The following AHCYL1 variants were observed in gnomAD, a reference collection of about 807,000 sequenced individuals.
The protein encoded by AHCYL1 is S-adenosylhomocysteine hydrolase-like protein 1.
AHCYL1 carries 20 observed loss-of-function variants against 79.3 expected under a neutral mutation model. The ratio of observed to expected loss-of-function variants is 0.25; its 90% CI spans 0.18 to 0.37. The LOEUF (loss-of-function observed/expected upper bound fraction) is 0.37, where lower values mean the gene tolerates loss of function less well. Ranked by LOEUF, AHCYL1 falls within the 10% of genes least tolerant of loss-of-function variation. AHCYL1 has a pLI of 1.00. For synonymous variants in AHCYL1, 223 were observed against 242.2 expected (o/e 0.92, Z 0.74); for missense variants, 330 against 673.6 (o/e 0.49, Z 5.65).
Position 109,995,842 on chromosome 1 carries a change from A to G in AHCYL1, c.120+10670A>G, listed in dbSNP as rs541418102. ...TGGCATTTTGAAACAGCTTCACCAGATAAACTTGAAATCTCCCAGATTTAG... is the reference window on the plus strand; with the variant it reads ...TGGCATTTTGAAACAGCTTCACCAGGTAAACTTGAAATCTCCCAGATTTAG... On this transcript the variant is annotated intron_variant, in intron 1 of 16. Coordinates refer to ENST00000369799, the MANE Select transcript of AHCYL1 (RefSeq NM_006621.7). 7 of 246,718 alleles carry G rather than the reference A, an allele frequency of 2.8e-5. No homozygotes were observed. The South Asian group carries it at 1.1e-3, about 37-fold the overall frequency. 15.3% of individuals were successfully genotyped at this position (246,718 alleles called of 1,614,324 possible).
At chr1:110,004,108 A>G in intron 1 of AHCYL1, 1 of 985,454 alleles carries the variant, frequency 1.0e-6, no homozygotes, top group Non-Finnish European at 1.2e-6. Context: ...GATCTAGTTG[A>G]GTCCTACTTT....
chr1:110,012,809 G>A (rs1393126091), intron 4 of AHCYL1, 88 bp from the exon 5 acceptor site: 2 of 964,296 alleles, frequency 2.1e-6, no homozygotes, highest in Non-Finnish European at 3.0e-6. Context: ...GTGCAGAGTT[G>A]ATAGGTATTG....
intron 1 of AHCYL1, among the ~76,000 whole-genome samples, chr1:109,993,202 T>G (rs1185107601): frequency 6.6e-6 from 1 of 152,224 alleles, no homozygotes; most frequent in East Asian, 1.9e-4. Context: ...CAGAGCTGAT[T>G]CCGTAGGAGT....
At chr1:109,998,340 G>T (rs955180481) in intron 1 of AHCYL1, among the ~76,000 whole-genome samples, 6 of 151,986 alleles carry the variant, frequency 3.9e-5, no homozygotes, top group Admixed American at 1.3e-4. Context: ...TTATTCTTGG[G>T]CCAGGTGTGG....
At chr1:110,010,680 A>G (rs954559451) in intron 2 of AHCYL1, among the ~76,000 whole-genome samples, 8 of 152,198 alleles carry the variant, frequency 5.3e-5, no homozygotes, top group African/African-American at 1.4e-4. Flanking sequence ...GACTAGCAGC[A>G]TCAGCAACAC....
intron 5 of AHCYL1, 25 bp downstream of exon 5, chr1:110,013,024 CT>C: frequency 6.3e-7 from 1 of 1,578,876 alleles, no homozygotes. Flanking sequence ...TTCCCACCAA[CT>C]TTGCCCCAAA....
intron 6 of AHCYL1, 56 bp from the exon 7 acceptor site, chr1:110,015,369 T>G (rs1003724194): frequency 1.1e-5 from 16 of 1,439,494 alleles, no homozygotes; most frequent in Admixed American, 8.4e-5. Flanking sequence ...GGGTTCAAAG[T>G]TCCCCCCAGC....
Position 110,012,917 on chromosome 1 carries a change from T to G in AHCYL1, c.498T>G (p.Cys166Trp). ...AQTAVLIETL[C>W]ALGAQCRWSA... ...CACAGGTGTTGATTGAGACACTCTG[T>G]GCCCTGGGGGCTCAGTGCCGCTGGT... Residue 166 changes from cysteine (C) to tryptophan (W), a missense_variant, in exon 5 of 17, where the codon TGT becomes TGG. Around this residue, in one of 6 missense-constraint regions of AHCYL1, gnomAD observed 97 missense variants for 176.3 expected, o/e 0.55. Coordinates refer to ENST00000369799, the MANE Select transcript of AHCYL1 (RefSeq NM_006621.7). The G allele has an allele frequency of 6.2e-7, 1 of 1,612,158 alleles. No homozygotes were observed. Among genetic ancestry groups the G allele is most frequent in the Non-Finnish European group, 8.5e-7 (1 of 1,179,500 alleles).
chr1:110,010,371 G>A (rs531804362), intron 2 of AHCYL1, among the ~76,000 whole-genome samples: 1 of 152,200 alleles, frequency 6.6e-6, no homozygotes, highest in Non-Finnish European at 1.5e-5. Flanking sequence ...CAGAAACCGT[G>A]ATGAGGAAAG....
intron 1 of AHCYL1, among the ~76,000 whole-genome samples, chr1:110,008,366 T>C (rs1650801316): frequency 6.6e-6 from 1 of 152,224 alleles, no homozygotes; most frequent in South Asian, 2.1e-4. Context: ...TTCCTTCAGA[T>C]TAGTCCTAAT....
At chr1:109,987,287 A>C (rs893422352) in intron 1 of AHCYL1, among the ~76,000 whole-genome samples, 3 of 152,248 alleles carry the variant, frequency 2.0e-5, no homozygotes, top group Non-Finnish European at 4.4e-5. Flanking sequence ...TTAAGACTTA[A>C]GTCACTTTTG....
intron 1 of AHCYL1, among the ~76,000 whole-genome samples, chr1:110,001,942 G>C (rs1021607527): frequency 3.3e-5 from 5 of 152,144 alleles, no homozygotes; most frequent in Admixed American, 6.5e-5. Context: ...AATATATTCT[G>C]AGGACGAGAA....
chr1:109,991,986 T>C (rs1380590170), intron 1 of AHCYL1, among the ~76,000 whole-genome samples: 2 of 152,156 alleles, frequency 1.3e-5, no homozygotes, highest in Non-Finnish European at 2.9e-5. Context: ...ACTTTGTCCC[T>C]TTTCCCCCAA....
At chr1:109,987,262 C>T (rs1649515699) in intron 1 of AHCYL1, among the ~76,000 whole-genome samples, 1 of 152,202 alleles carries the variant, frequency 6.6e-6, no homozygotes, top group African/African-American at 2.4e-5. Flanking sequence ...TTTTTCAGAA[C>T]TGCTGAATTG....
intron 1 of AHCYL1, among the ~76,000 whole-genome samples, chr1:110,000,626 CAGT>C (rs1187617770): frequency 6.6e-6 from 1 of 152,146 alleles, no homozygotes; most frequent in Non-Finnish European, 1.5e-5. Flanking sequence ...TATAGTGCAA[CAGT>C]AGACCACTCC....
Position 110,019,138 on chromosome 1 carries a change from G to C in AHCYL1, c.1386+19G>C. On this transcript the variant is annotated intron_variant, in intron 14 of 16. Transcript: ENST00000369799. The stretch of plus-strand genomic sequence containing the variant: ...AACACAGGTATGTGGCAAAATGCCT[G>C]CTTACACTGCACTGCAATTTGTGGA... 6.2e-7 allele frequency: 1 copy of C among 1,611,126 alleles called. No homozygotes were observed. Among genetic ancestry groups the C allele is most frequent in the South Asian group, 1.1e-5 (1 of 91,022 alleles).
At chr1:109,998,435 A>G (rs920072762) in intron 1 of AHCYL1, among the ~76,000 whole-genome samples, 2 of 152,294 alleles carry the variant, frequency 1.3e-5, no homozygotes, top group South Asian at 4.1e-4. Context: ...AGCCTGGGCA[A>G]CACAAGGAGA....
intron 1 of AHCYL1, among the ~76,000 whole-genome samples, chr1:110,001,515 AC>A (rs1650313574): frequency 6.6e-6 from 1 of 152,182 alleles, no homozygotes; most frequent in Admixed American, 6.5e-5. Context: ...CTGAGCCTAT[AC>A]TAGTTGGTTC....
Sources: allele counts gnomAD v4.1 joint callset (sites outside exome capture counted in the v4.1 genomes callset), GRCh38; gene constraint gnomAD v4.1.1; regional missense constraint gnomAD v4.1.1; transcripts MANE v1.5; gene names NCBI Gene and HGNC (gene_info 2026-07-23, HGNC 2026-07-21).